Variants in PIK3CB observed in about 807,000 individuals in gnomAD.
PIK3CB encodes phosphatidylinositol 4,5-bisphosphate 3-kinase catalytic subunit beta isoform.
A neutral mutation model predicts 136.8 loss-of-function variants in PIK3CB; 39 were observed. The ratio of observed to expected loss-of-function variants is 0.29; its 90% CI spans 0.22 to 0.37. The LOEUF (loss-of-function observed/expected upper bound fraction) is 0.37. Among genes scored for constraint, PIK3CB ranks in the 10% least tolerant of loss-of-function variants. The probability of loss-of-function intolerance (pLI) is 1.00; values close to 1 mark genes in which losing one functional copy is unlikely to be tolerated. For synonymous variants in PIK3CB, 428 were observed against 436.6 expected (o/e 0.98, Z 0.25); for missense variants, 868 against 1,275.4 (o/e 0.68, Z 4.87).
Position 138,656,055 on chromosome 3 carries a change from T to G in PIK3CB, c.3075+87A>C, listed in dbSNP as rs1418076240. ...CTTAGAGGAAATGACTTTGTTCTAC[T>G]TCCTTCAGCCACTTGAATAAAACAG... On this transcript the variant is annotated intron_variant, in intron 23 of 23. Transcript: ENST00000674063. The G allele has an allele frequency of 4.4e-6, 6 of 1,370,362 alleles. No individual in the cohort carries two copies. In the African/African-American group the frequency reaches 8.7e-5, roughly 20 times the overall value. The allele number at this position is 1,370,362 out of a possible 1,614,324, so 84.9% of individuals were successfully genotyped here. A position where few individuals can be genotyped will look rare whatever the true frequency, so the allele number is the denominator to read the frequency against.
At chr3:138,797,766 T>C (rs1373398555) in intron 1 of PIK3CB, among the ~76,000 whole-genome samples, 1 of 151,964 alleles carries the variant, frequency 6.6e-6, no homozygotes, top group African/African-American at 2.4e-5. Context: ...TCCTGCTCAA[T>C]TTTGCTGTGA....
intron 2 of PIK3CB, among the ~76,000 whole-genome samples, chr3:138,775,874 A>C (rs1021231982): frequency 1.6e-4 from 24 of 149,514 alleles, no homozygotes; most frequent in African/African-American, 5.9e-4. Flanking sequence ...TCGTTTCAAA[A>C]CCCTCAAATA....
chr3:138,768,394 TG>T (rs902930323), intron 2 of PIK3CB, among the ~76,000 whole-genome samples: 1 of 152,218 alleles, frequency 6.6e-6, no homozygotes, highest in African/African-American at 2.4e-5. Flanking sequence ...GTCATCCTGA[TG>T]TCTGCTCAGC....
At chr3:138,761,596 C>T (rs990310012) in intron 2 of PIK3CB, among the ~76,000 whole-genome samples, 1 of 152,046 alleles carries the variant, frequency 6.6e-6, no homozygotes, top group Non-Finnish European at 1.5e-5. Context: ...ATGGTGAAAC[C>T]CCATGTCTAC....
At chr3:138,789,737 A>T (rs961873862) in intron 2 of PIK3CB, among the ~76,000 whole-genome samples, 1 of 150,552 alleles carries the variant, frequency 6.6e-6, no homozygotes, top group Non-Finnish European at 1.5e-5. Flanking sequence ...CTCTGTCGCC[A>T]GGCTGGAGTT....
intron 1 of PIK3CB, among the ~76,000 whole-genome samples, chr3:138,803,476 G>C (rs2046198885): frequency 6.6e-6 from 1 of 152,104 alleles, no homozygotes. Context: ...CTGAACACAG[G>C]ACACACATTT....
intron 1 of PIK3CB, among the ~76,000 whole-genome samples, chr3:138,800,660 T>C (rs1049650820): frequency 2.6e-5 from 4 of 152,152 alleles, no homozygotes; most frequent in Non-Finnish European, 4.4e-5. Flanking sequence ...AGTCTCACTC[T>C]GTCACCCATG....
chr3:138,774,007 C>A (rs1438964795), intron 2 of PIK3CB, among the ~76,000 whole-genome samples: 1 of 152,198 alleles, frequency 6.6e-6, no homozygotes, highest in African/African-American at 2.4e-5. Flanking sequence ...AGACCAATAT[C>A]TACTACATTA....
chr3:138,825,825 A>G, intron 1 of PIK3CB: 1 of 1,109,084 alleles, frequency 9.0e-7, no homozygotes, highest in Non-Finnish European at 1.3e-6. Flanking sequence ...GTTGAAATGC[A>G]CCATGAAGCT....
chr3:138,666,337 GT>G (rs1325974752), intron 19 of PIK3CB, among the ~76,000 whole-genome samples: 1 of 151,902 alleles, frequency 6.6e-6, no homozygotes. Flanking sequence ...CGCCTGGCTA[GT>G]TTTTTTATTT....
At chr3:138,738,765 A>C (rs2045171642) in intron 5 of PIK3CB, among the ~76,000 whole-genome samples, 1 of 152,188 alleles carries the variant, frequency 6.6e-6, no homozygotes, top group Admixed American at 6.5e-5. Context: ...TATACTAAAG[A>C]TATAAGAAGC....
chr3:138,697,923 G>A (rs1334996102), intron 13 of PIK3CB, among the ~76,000 whole-genome samples: 2 of 150,068 alleles, frequency 1.3e-5, no homozygotes, highest in Non-Finnish European at 3.0e-5. Context: ...TGTAGAGATG[G>A]GGTTTCACCA....
chr3:138,679,705 C>T (rs1438758897), intron 19 of PIK3CB, among the ~76,000 whole-genome samples: 1 of 151,104 alleles, frequency 6.6e-6, no homozygotes, highest in African/African-American at 2.4e-5. Flanking sequence ...CTCCTCAGCT[C>T]CCAAGTAGCT....
intron 21 of PIK3CB, among the ~76,000 whole-genome samples, chr3:138,663,465 T>C (rs1005500235): frequency 1.3e-5 from 2 of 152,152 alleles, no homozygotes; most frequent in Non-Finnish European, 2.9e-5. Flanking sequence ...CACTGCAACC[T>C]CCGCCTCCCA....
intron 2 of PIK3CB, among the ~76,000 whole-genome samples, chr3:138,785,399 G>T (rs1221352762): frequency 6.6e-6 from 1 of 152,206 alleles, no homozygotes; most frequent in Non-Finnish European, 1.5e-5. Flanking sequence ...GTGGGGAAAA[G>T]AAAGAGATCA....
intron 4 of PIK3CB, among the ~76,000 whole-genome samples, chr3:138,753,219 T>TTAAAAA (rs1559862702): frequency 1.3e-5 from 2 of 150,402 alleles, no homozygotes; most frequent in South Asian, 4.2e-4. Flanking sequence ...CTGTCTCAAT[T>TTAAAAA]TAAAAATAAA....
intron 1 of PIK3CB, among the ~76,000 whole-genome samples, chr3:138,829,127 T>C (rs972531254): frequency 3.3e-5 from 5 of 151,836 alleles, no homozygotes; most frequent in African/African-American, 1.2e-4. Flanking sequence ...ATTTATTTTT[T>C]AGCACTCAAA....
At chr3:138,830,404 T>A (rs1336114053) in intron 1 of PIK3CB, among the ~76,000 whole-genome samples, 1 of 151,444 alleles carries the variant, frequency 6.6e-6, no homozygotes, top group Non-Finnish European at 1.5e-5. Context: ...ACAAAAAAAC[T>A]AGCCAGGCGT....
At chr3:138,678,108 C>CA (rs1319669276) in intron 19 of PIK3CB, among the ~76,000 whole-genome samples, 2 of 151,272 alleles carry the variant, frequency 1.3e-5, no homozygotes, top group Non-Finnish European at 2.9e-5. Context: ...CTCTGTCTCT[C>CA]AAAAAAAATT....
Sources: allele counts gnomAD v4.1 joint callset (sites outside exome capture counted in the v4.1 genomes callset), GRCh38; gene constraint gnomAD v4.1.1; transcripts MANE v1.5; gene names NCBI Gene and HGNC (gene_info 2026-07-23, HGNC 2026-07-21).